The following AGBL1 variants were observed in gnomAD, a reference collection of about 807,000 sequenced individuals.
AGBL1 encodes AGBL carboxypeptidase 1.
In AGBL1, 130 loss-of-function variants were observed where a neutral mutation model predicts 118.9. The observed-to-expected ratio is 1.09, with a 90% CI of 0.95 to 1.26. The LOEUF is 1.26. AGBL1 is among the 50% of genes most tolerant of loss of function. The probability of loss-of-function intolerance (pLI) is 0.00; values close to 1 mark genes in which losing one functional copy is unlikely to be tolerated. For missense variants in AGBL1, 1,584 were observed against 1,298.1 expected (o/e 1.22, Z -3.38); for synonymous variants, 555 against 478.9 (o/e 1.16, Z -2.08).
intron 15 of AGBL1, among the ~76,000 whole-genome samples, chr15:86,274,130 A>G (rs966717999): frequency 6.6e-6 from 1 of 152,216 alleles, no homozygotes; most frequent in Admixed American, 6.5e-5. Flanking sequence ...GAAGAGTTTT[A>G]AATTAGGAAA....
At chr15:86,665,137 C>A (rs1027595111) in intron 21 of AGBL1, among the ~76,000 whole-genome samples, 22 of 152,062 alleles carry the variant, frequency 1.4e-4, no homozygotes, top group African/African-American at 5.3e-4. Context: ...TATGACGTTG[C>A]CAATTTGAAA....
intron 22 of AGBL1, among the ~76,000 whole-genome samples, chr15:86,803,319 C>A (rs1473344306): frequency 1.3e-5 from 2 of 152,126 alleles, no homozygotes; most frequent in Non-Finnish European, 2.9e-5. Flanking sequence ...GCTCTTCTCT[C>A]TCCTTCTGCC....
intron 21 of AGBL1, among the ~76,000 whole-genome samples, chr15:86,672,981 C>T (rs1462764622): frequency 6.6e-6 from 1 of 152,140 alleles, no homozygotes; most frequent in Admixed American, 6.5e-5. Flanking sequence ...AATTTTGTTT[C>T]TCCTTGAGGT....
At chr15:86,731,894 C>G (rs1042793128) in intron 22 of AGBL1, among the ~76,000 whole-genome samples, 2 of 152,162 alleles carry the variant, frequency 1.3e-5, no homozygotes, top group Admixed American at 1.3e-4. Flanking sequence ...TGATTCTGAA[C>G]AAAATAAAAA....
chr15:86,256,749 A>C, intron 7 of AGBL1, 104 bp from the exon 8 acceptor site: 13 of 1,135,608 alleles, frequency 1.1e-5, no homozygotes, highest in Non-Finnish European at 1.6e-5. Context: ...AAACACAGCT[A>C]GGAGACTGTG....
At chr15:86,702,685 C>G (rs1345101870) in intron 22 of AGBL1, among the ~76,000 whole-genome samples, 3 of 152,226 alleles carry the variant, frequency 2.0e-5, no homozygotes, top group South Asian at 2.1e-4. Context: ...CCTTTAAACT[C>G]TTTTCTCCCT....
intron 17 of AGBL1, among the ~76,000 whole-genome samples, chr15:86,341,277 C>T (rs1319603160): frequency 6.6e-6 from 1 of 152,150 alleles, no homozygotes; most frequent in African/African-American, 2.4e-5. Context: ...CTGCCCTTTT[C>T]CTGACTAGAC....
chr15:86,632,429 G>A (rs2084989150), intron 21 of AGBL1, among the ~76,000 whole-genome samples: 1 of 152,042 alleles, frequency 6.6e-6, no homozygotes, highest in Admixed American at 6.6e-5. Context: ...GGCAACAAGA[G>A]CGAAACTCTG....
At chr15:86,440,413 G>A (rs2082048355) in intron 18 of AGBL1, among the ~76,000 whole-genome samples, 1 of 151,608 alleles carries the variant, frequency 6.6e-6, no homozygotes, top group Non-Finnish European at 1.5e-5. Context: ...GAAGTTGAGA[G>A]TACGATCAAG....
intron 22 of AGBL1, among the ~76,000 whole-genome samples, chr15:86,713,848 G>A (rs551049350): frequency 1.2e-4 from 18 of 152,164 alleles, no homozygotes; most frequent in Non-Finnish European, 2.1e-4. Context: ...TCATGAAAGA[G>A]CTGTAACGTA....
chr15:86,661,796 C>A (rs1278293663), intron 21 of AGBL1, among the ~76,000 whole-genome samples: 1 of 152,116 alleles, frequency 6.6e-6, no homozygotes, highest in East Asian at 1.9e-4. Context: ...GGGCTCCATA[C>A]CAAGTCACTC....
chr15:86,696,715 G>C (rs1049574347), intron 22 of AGBL1, among the ~76,000 whole-genome samples: 5 of 151,778 alleles, frequency 3.3e-5, no homozygotes, highest in African/African-American at 1.2e-4. Flanking sequence ...GCTTTAAAGA[G>C]GTTCTATTTT....
At chr15:86,267,147 A>G (rs899377811) in intron 13 of AGBL1, 71 bp downstream of exon 13, 1 of 1,172,904 alleles carries the variant, frequency 8.5e-7, no homozygotes, top group African/African-American at 1.5e-5. Flanking sequence ...TCTCTTCCCC[A>G]TGCTCTGTTC....
intron 18 of AGBL1, among the ~76,000 whole-genome samples, chr15:86,519,499 C>A (rs890545321): frequency 1.3e-5 from 2 of 152,178 alleles, no homozygotes; most frequent in Admixed American, 6.5e-5. Flanking sequence ...CTGCATGAAT[C>A]TCTGATATTA....
chr15:86,785,360 CT>C lies in AGBL1; in HGVS notation c.3158+110942del, dbSNP rs891818403. 9.7e-3 allele frequency among the ~76,000 whole-genome samples: 963 copies of C among 98,860 alleles called. 12 individuals are homozygous for C. The highest frequency in any genetic ancestry group is 0.03 in the African/African-American group (818 of 27,056). 64.9% of individuals were successfully genotyped at this position (98,860 alleles called of 152,430 possible). ...GAAGAGGCACAGAGATCTGCGGGTT[CT>C]TTTTTTTTTTTTTTTTTGTTTTTGT... On this transcript the variant is annotated intron_variant, in intron 22 of 22. Transcript: ENST00000614907.
chr15:86,388,388 C>T (rs1016148687), intron 17 of AGBL1, among the ~76,000 whole-genome samples: 31 of 152,164 alleles, frequency 2.0e-4, no homozygotes, highest in African/African-American at 7.5e-4. Context: ...CTGAAGGAAC[C>T]AATAGAATTA....
chr15:86,764,692 T>A (rs543436289), intron 22 of AGBL1, among the ~76,000 whole-genome samples: 119 of 152,206 alleles, frequency 7.8e-4, no homozygotes, highest in African/African-American at 2.8e-3. Flanking sequence ...CCCTTTCTAA[T>A]GTAAATTTCT....
chr15:86,477,749 T>C (rs2082583128), intron 18 of AGBL1, among the ~76,000 whole-genome samples: 1 of 152,230 alleles, frequency 6.6e-6, no homozygotes, highest in African/African-American at 2.4e-5. Context: ...AGCATCGTTC[T>C]GAGACCAAAG....
intron 18 of AGBL1, among the ~76,000 whole-genome samples, chr15:86,407,564 A>G (rs2142004797): frequency 6.6e-6 from 1 of 152,276 alleles, no homozygotes; most frequent in East Asian, 1.9e-4. Flanking sequence ...AGGCTTCTAA[A>G]ATGTTTTACT....
Sources: allele counts gnomAD v4.1 joint callset (sites outside exome capture counted in the v4.1 genomes callset), GRCh38; gene constraint gnomAD v4.1.1; transcripts MANE v1.5; gene names NCBI Gene and HGNC (gene_info 2026-07-23, HGNC 2026-07-21).